CIAPIN1: variants seen among roughly 807,000 people sequenced by gnomAD.
The protein encoded by CIAPIN1 is cytokine induced apoptosis inhibitor 1, also known as anamorsin.
CIAPIN1 carries 18 observed loss-of-function variants against 34.3 expected under a neutral mutation model. The observed-to-expected ratio is 0.52, with a 90% confidence interval of 0.36 to 0.78. The LOEUF is 0.78. Among genes scored for constraint, CIAPIN1 ranks in the 30% least tolerant of loss-of-function variants. CIAPIN1 has a pLI of 0.00. For synonymous variants in CIAPIN1, 131 were observed against 140.4 expected (o/e 0.93, Z 0.47); for missense variants, 310 against 372.5 (o/e 0.83, Z 1.38).
At chr16:57,429,718 T>C (rs1330512995) in intron 8 of CIAPIN1, among the ~76,000 whole-genome samples, 2 of 151,902 alleles carry the variant, frequency 1.3e-5, no homozygotes, top group Non-Finnish European at 2.9e-5. Flanking sequence ...GGTCTCGATC[T>C]CCTGACCTCG....
chr16:57,440,738 C>T (rs1222611777), intron 2 of CIAPIN1, 34 bp downstream of exon 2: 1 of 1,581,860 alleles, frequency 6.3e-7, no homozygotes, highest in Admixed American at 1.8e-5. Flanking sequence ...GAAACCCCTC[C>T]AGCCTCATAA....
intron 8 of CIAPIN1, among the ~76,000 whole-genome samples, 173 bp from the exon 9 acceptor site, chr16:57,429,453 A>G (rs1903030076): frequency 6.6e-6 from 1 of 152,220 alleles, no homozygotes; most frequent in African/African-American, 2.4e-5. Flanking sequence ...GGTTTCGTGA[A>G]AAACTATAGT....
rs1167837373 is a variant in CIAPIN1 at position 57,435,480 on chromosome 16, T to TTGGCATAAAGAATCTAAGGCC, written c.387+1155_387+1175dup. Reference sequence around the variant, plus strand: ...AGCTAAAAGGAAAAATAAGAAAGGGTTGGCATAAAGAATCTAAGGCCTGGC... The same window carrying TTGGCATAAAGAATCTAAGGCC: ...AGCTAAAAGGAAAAATAAGAAAGGGTTGGCATAAAGAATCTAAGGCCTGGCATAAAGAATCTAAGGCCTGGC... On this transcript the variant is annotated intron_variant, in intron 4 of 8. Transcript: ENST00000394391. Among the ~76,000 whole-genome samples, 102 of 152,210 alleles carry TTGGCATAAAGAATCTAAGGCC rather than the reference T, an allele frequency of 6.7e-4. 1 individual carries two copies. Among genetic ancestry groups the TTGGCATAAAGAATCTAAGGCC allele is most frequent in the African/African-American group, 1.5e-3 (64 of 41,520 alleles).
At chr16:57,433,161 A>G (rs1246519874) in intron 5 of CIAPIN1, among the ~76,000 whole-genome samples, 1 of 152,226 alleles carries the variant, frequency 6.6e-6, no homozygotes, top group Admixed American at 6.5e-5. Context: ...GTGGCAGACA[A>G]ACCTCACACT....
rs553247849 is a variant in CIAPIN1, at chr16:57,438,339, A to T, written c.310+843T>A. Among the ~76,000 whole-genome samples the T allele has an allele frequency of 2.0e-5, 3 of 152,318 alleles. No individual in the cohort carries two copies. The South Asian group carries it at 6.2e-4, about 32-fold the overall frequency. On this transcript the variant is annotated intron_variant, in intron 3 of 8. Coordinates refer to ENST00000394391, the MANE Select transcript of CIAPIN1 (RefSeq NM_020313.4). ...TGTCATTAGTTTCACATGAATCAAT[A>T]ATTACCACATCATTCCCAGGGTTCG...
chr16:57,436,612 T>A, intron 4 of CIAPIN1, 44 bp downstream of exon 4: 1 of 1,415,394 alleles, frequency 7.1e-7, no homozygotes, highest in South Asian at 1.2e-5. Flanking sequence ...CAATACTGAT[T>A]ACCTCACCTG....
chr16:57,441,720 T>C (rs1269253727), intron 1 of CIAPIN1, among the ~76,000 whole-genome samples: 1 of 152,234 alleles, frequency 6.6e-6, no homozygotes, highest in East Asian at 1.9e-4. Context: ...GTAAATCCCA[T>C]GCTTTTAACC....
chr16:57,439,996 G>A (rs1221186937), intron 2 of CIAPIN1, among the ~76,000 whole-genome samples: 1 of 152,250 alleles, frequency 6.6e-6, no homozygotes, highest in Non-Finnish European at 1.5e-5. Flanking sequence ...AGGCGGAACA[G>A]AGCCATATTT....
chr16:57,436,585 T>C, intron 4 of CIAPIN1, 71 bp downstream of exon 4: 1 of 1,184,372 alleles, frequency 8.4e-7, no homozygotes, highest in Non-Finnish European at 1.2e-6. Context: ...CAGCATTTCT[T>C]GTTTCCTAGT....
At chr16:57,429,541 G>A (rs1903033057) in intron 8 of CIAPIN1, among the ~76,000 whole-genome samples, 1 of 151,968 alleles carries the variant, frequency 6.6e-6, no homozygotes, top group African/African-American at 2.4e-5. Flanking sequence ...ACCCAGGCTG[G>A]AGTGCAGTGG....
rs549836493 is a variant in CIAPIN1 at position 57,441,127 on chromosome 16, C to T, written c.-55-144G>A. On this transcript the variant is annotated intron_variant, in intron 1 of 8. Coordinates refer to ENST00000394391, the MANE Select transcript of CIAPIN1 (RefSeq NM_020313.4). ...ATGCTAAAGAGTCTGAATACATGAA[C>T]CCCATTATCTCAAGTCTTCATAAGC... The T allele has an allele frequency of 1.8e-4, 77 of 427,710 alleles. No individual in the cohort carries two copies. The South Asian group carries it at 3.6e-3, about 20-fold the overall frequency. The allele number at this position is 427,710 out of a possible 1,614,324, so 26.5% of individuals were successfully genotyped here.
chr16:57,444,829 C>T (rs1387549860), intron 1 of CIAPIN1, among the ~76,000 whole-genome samples: 1 of 152,040 alleles, frequency 6.6e-6, no homozygotes, highest in Non-Finnish European at 1.5e-5. Flanking sequence ...ACAAAAAAAC[C>T]CGTAAGGAAA....
At chr16:57,442,041 GTTTCT>G (rs1345490198) in intron 1 of CIAPIN1, among the ~76,000 whole-genome samples, 1 of 152,156 alleles carries the variant, frequency 6.6e-6, no homozygotes, top group Admixed American at 6.5e-5. Context: ...CTACACTCTT[GTTTCT>G]TTTAAAATGT....
intron 3 of CIAPIN1, among the ~76,000 whole-genome samples, chr16:57,437,016 A>C (rs1451486228): frequency 6.6e-6 from 1 of 152,038 alleles, no homozygotes; most frequent in Non-Finnish European, 1.5e-5. Flanking sequence ...AATCCCACCT[A>C]CTTGGGAAGC....
At position 57,443,044 on chromosome 16, in the gene CIAPIN1, A is replaced by T. The variant is rs572626581; in HGVS notation, c.-55-2061T>A. ...GACAAGTAGGATTCTTTAGTCATTTAACTCTGTTTTCCTTAATGACAGAGG... is the reference window on the plus strand; with the variant it reads ...GACAAGTAGGATTCTTTAGTCATTTTACTCTGTTTTCCTTAATGACAGAGG... On this transcript the variant is annotated intron_variant, in intron 1 of 8. Transcript: ENST00000394391. 4.6e-5 allele frequency among the ~76,000 whole-genome samples: 7 copies of T among 151,996 alleles called. No homozygotes were observed. In the South Asian group the frequency reaches 1.2e-3, roughly 27 times the overall value.
chr16:57,435,749 G>A (rs1020285279), intron 4 of CIAPIN1, among the ~76,000 whole-genome samples: 1 of 152,224 alleles, frequency 6.6e-6, no homozygotes, highest in African/African-American at 2.4e-5. Flanking sequence ...AGCAGAGATC[G>A]TGTCACTGCA....
rs1332093801 is a variant in CIAPIN1, at chr16:57,446,609, G to C, written c.-56+733C>G. ...CCGTGAAGTGCTCTGTTAGTGGCTA[G>C]ACCGTGACCTCCTTGAGCCATCCAG... On this transcript the variant is annotated intron_variant, in intron 1 of 8. Coordinates refer to ENST00000394391, the MANE Select transcript of CIAPIN1 (RefSeq NM_020313.4). Among the ~76,000 whole-genome samples, 3 of 152,298 alleles carry C rather than the reference G, an allele frequency of 2.0e-5. No individual in the cohort carries two copies. The South Asian group carries it at 6.2e-4, about 32-fold the overall frequency.
intron 1 of CIAPIN1, among the ~76,000 whole-genome samples, chr16:57,446,588 G>T (rs945577433): frequency 6.6e-6 from 1 of 152,180 alleles, no homozygotes; most frequent in Non-Finnish European, 1.5e-5. Flanking sequence ...ACACCCCCGT[G>T]AAGTGCTCTG....
At chr16:57,441,818 G>C (rs1248226180) in intron 1 of CIAPIN1, among the ~76,000 whole-genome samples, 2 of 152,228 alleles carry the variant, frequency 1.3e-5, no homozygotes, top group Non-Finnish European at 2.9e-5. Flanking sequence ...ATTAGGTCAA[G>C]AGATAGTACT....
Sources: allele counts gnomAD v4.1 joint callset (sites outside exome capture counted in the v4.1 genomes callset), GRCh38; gene constraint gnomAD v4.1.1; transcripts MANE v1.5; gene names NCBI Gene and HGNC (gene_info 2026-07-23, HGNC 2026-07-21).